The following UBE2U variants were observed in gnomAD, a reference collection of about 807,000 sequenced individuals.
UBE2U encodes ubiquitin-conjugating enzyme E2 U.
UBE2U carries 39 observed loss-of-function variants against 41.2 expected under a neutral mutation model. That is an observed-to-expected ratio of 0.95 (90% confidence interval 0.73 to 1.24). The LOEUF (loss-of-function observed/expected upper bound fraction) is 1.24. Among genes scored for constraint, UBE2U ranks in the 50% most tolerant of loss-of-function variants. UBE2U has a pLI of 0.00. For synonymous variants in UBE2U, 107 were observed against 117.8 expected (o/e 0.91, Z 0.60); for missense variants, 336 against 363.1 (o/e 0.93, Z 0.61).
chr1:64,225,389 T>G (rs1427450765), intron 6 of UBE2U, among the ~76,000 whole-genome samples: 1 of 152,182 alleles, frequency 6.6e-6, no homozygotes, highest in Non-Finnish European at 1.5e-5. Flanking sequence ...GTAAGAGAAG[T>G]AGGCTGGGCC....
chr1:64,258,769 C>T (rs1020378554), intron 8 of UBE2U, among the ~76,000 whole-genome samples: 2 of 152,168 alleles, frequency 1.3e-5, no homozygotes, highest in Admixed American at 6.5e-5. Context: ...GTGAATAGTG[C>T]CACAATAAAC....
intron 8 of UBE2U, among the ~76,000 whole-genome samples, chr1:64,246,856 C>A (rs1644929473): frequency 6.6e-6 from 1 of 152,126 alleles, no homozygotes; most frequent in Non-Finnish European, 1.5e-5. Flanking sequence ...TACTTAGTAA[C>A]AAAGCTGAAA....
chr1:64,256,888 A>C (rs1177583779), intron 8 of UBE2U, among the ~76,000 whole-genome samples: 1 of 148,224 alleles, frequency 6.7e-6, no homozygotes, highest in East Asian at 2.0e-4. Flanking sequence ...CAGCATCTAC[A>C]AGGGACTTAA....
At chr1:64,206,899 T>C in intron 3 of UBE2U, 43 bp downstream of exon 3, 3 of 1,120,552 alleles carry the variant, frequency 2.7e-6, no homozygotes, top group Non-Finnish European at 4.0e-6. Flanking sequence ...GCTTTGTCCC[T>C]ATTATCCTTG....
chr1:64,210,070 T>C (rs966088759), intron 3 of UBE2U, among the ~76,000 whole-genome samples: 1 of 152,230 alleles, frequency 6.6e-6, no homozygotes, highest in African/African-American at 2.4e-5. Flanking sequence ...ATTTTTATGA[T>C]TTAAAATAAA....
At chr1:64,230,468 C>T (rs1213860993) in intron 6 of UBE2U, among the ~76,000 whole-genome samples, 4 of 152,210 alleles carry the variant, frequency 2.6e-5, no homozygotes, top group Non-Finnish European at 5.9e-5. Context: ...AATATGAAGT[C>T]TCCATTCTAG....
At position 64,204,101 on chromosome 1, in the gene UBE2U, G is replaced by C; in HGVS notation, c.51G>C (p.Lys17Asn). 6.2e-7 allele frequency: 1 copy of C among 1,613,792 alleles called. No individual in the cohort carries two copies. Among genetic ancestry groups the C allele is most frequent in the Non-Finnish European group, 8.5e-7 (1 of 1,179,834 alleles). ...TGCACAGAGACTTCTGTGATCTCAAGGAGAACAATTATAAGGTAAGTACTG... is the reference window on the plus strand; with the variant it reads ...TGCACAGAGACTTCTGTGATCTCAACGAGAACAATTATAAGGTAAGTACTG... Reference protein sequence around the residue: ...LLLHRDFCDLKENNYKGITAK... With the variant: ...LLLHRDFCDLNENNYKGITAK... Residue 17 changes from lysine (K) to asparagine (N), a missense_variant, in exon 1 of 10, where the codon AAG becomes AAC. Physicochemically the swap from Lys to Asn is moderately conservative, Grantham distance 94 (BLOSUM62 0). Coordinates refer to ENST00000371077, the MANE Select transcript of UBE2U (RefSeq NM_001366232.2).
chr1:64,209,658 A>G (rs1206617832), intron 3 of UBE2U, among the ~76,000 whole-genome samples: 1 of 152,052 alleles, frequency 6.6e-6, no homozygotes, highest in Admixed American at 6.6e-5. Flanking sequence ...GAGAAGGGTT[A>G]TTTACTAGCT....
chr1:64,239,278 A>G (rs1398570324), intron 7 of UBE2U, among the ~76,000 whole-genome samples: 1 of 152,056 alleles, frequency 6.6e-6, no homozygotes, highest in East Asian at 1.9e-4. Flanking sequence ...AATAATAAGA[A>G]ATAGGAAAAT....
At chr1:64,241,126 C>G (rs1339820581) in intron 7 of UBE2U, among the ~76,000 whole-genome samples, 1 of 152,142 alleles carries the variant, frequency 6.6e-6, no homozygotes, top group African/African-American at 2.4e-5. Context: ...TAACATAAGG[C>G]ACTTCAGTTA....
intron 8 of UBE2U, among the ~76,000 whole-genome samples, chr1:64,259,134 C>T (rs1645142749): frequency 6.6e-6 from 1 of 152,152 alleles, no homozygotes; most frequent in South Asian, 2.1e-4. Context: ...TGAGAAGTGT[C>T]TGTTCATATC....
intron 9 of UBE2U, among the ~76,000 whole-genome samples, chr1:64,263,261 C>T (rs2080129957): frequency 6.6e-6 from 1 of 152,062 alleles, no homozygotes; most frequent in South Asian, 2.1e-4. Context: ...ATGAACAAAA[C>T]ATGTTTCCTT....
At chr1:64,220,623 C>G (rs1348876819) in intron 5 of UBE2U, among the ~76,000 whole-genome samples, 2 of 152,096 alleles carry the variant, frequency 1.3e-5, no homozygotes, top group African/African-American at 4.8e-5. Flanking sequence ...TTGGTCTCCT[C>G]TCATCAAGCA....
chr1:64,260,622 TGGCTTGCTAGAAA>T lies in UBE2U; in HGVS notation c.698_710del (p.Trp233Ter). The T allele has an allele frequency of 6.5e-7, 1 of 1,549,300 alleles. No individual in the cohort carries two copies. Among genetic ancestry groups the T allele is most frequent in the Non-Finnish European group, 8.7e-7 (1 of 1,146,616 alleles). On this transcript the variant is annotated frameshift_variant, in exon 9 of 10. Transcript: ENST00000371077. LOFTEE classifies it high-confidence loss of function. ...TTCTAGGTATTCCGTTATCAAGTGT[TGGCTTGCTAGAAA>T]AAGAATGCCTCATGAAGTCACTCAC...
chr1:64,212,593 G>A (rs1370417256), intron 4 of UBE2U, among the ~76,000 whole-genome samples: 1 of 152,104 alleles, frequency 6.6e-6, no homozygotes, highest in African/African-American at 2.4e-5. Flanking sequence ...TAACTCAATA[G>A]TTAATACAGG....
chr1:64,229,812 TACTA>T (rs1218151618), intron 6 of UBE2U, among the ~76,000 whole-genome samples: 1 of 152,162 alleles, frequency 6.6e-6, no homozygotes, highest in Non-Finnish European at 1.5e-5. Flanking sequence ...TCAAAATACT[TACTA>T]ACTTTTTTGG....
chr1:64,204,250 C>A, intron 1 of UBE2U, 134 bp downstream of exon 1: 1 of 634,630 alleles, frequency 1.6e-6, no homozygotes, highest in Non-Finnish European at 2.6e-6. Flanking sequence ...TTTAATAAAT[C>A]CATTTCACTG....
intron 4 of UBE2U, among the ~76,000 whole-genome samples, chr1:64,211,430 ATTTCT>A (rs758782705): frequency 1.3e-5 from 2 of 151,856 alleles, no homozygotes; most frequent in African/African-American, 2.4e-5. Context: ...GTGTTGTGCT[ATTTCT>A]TTTCTTTTCT....
At chr1:64,232,719 A>G in intron 7 of UBE2U, 70 bp downstream of exon 7, 1 of 1,299,316 alleles carries the variant, frequency 7.7e-7, no homozygotes, top group African/African-American at 1.5e-5. Context: ...TCTTGGTTTC[A>G]AAGACTAATT....
Sources: gnomAD v4.1 joint callset for allele counts (sites outside exome capture counted in the v4.1 genomes callset) on GRCh38, gnomAD v4.1.1 for gene constraint, MANE v1.5 for transcripts, NCBI Gene and HGNC (gene_info 2026-07-23, HGNC 2026-07-21) for gene names.